The following FAM13B variants were observed in gnomAD, a reference collection of about 807,000 sequenced individuals.
FAM13B encodes the protein family with sequence similarity 13 member B.
Under a neutral mutation model 117.3 loss-of-function variants are expected in FAM13B, and 60 were observed. The ratio of observed to expected loss-of-function variants is 0.51; its 90% confidence interval spans 0.42 to 0.63. The LOEUF is 0.63. Ranked by LOEUF, FAM13B falls within the 30% of genes least tolerant of loss-of-function variation. FAM13B has a pLI of 0.00. For missense variants in FAM13B, 972 were observed against 1,091.9 expected (o/e 0.89, Z 1.55); for synonymous variants, 332 against 356.1 (o/e 0.93, Z 0.76).
At position 137,960,059 on chromosome 5, in the gene FAM13B, T is replaced by C; in HGVS notation, c.1293+107A>G. ...TTAACTGTAAAATATTTGGTAAGAG[T>C]ATTTATATTTAAATCTTTAAACCTA... On this transcript the variant is annotated intron_variant, in intron 12 of 23. Transcript: ENST00000689681. The C allele has an allele frequency of 6.7e-6, 5 of 743,276 alleles. No individual in the cohort carries two copies. The South Asian group carries it at 7.0e-5, about 10-fold the overall frequency. The allele number at this position is 743,276 out of a possible 1,614,324, so 46.0% of individuals were successfully genotyped here.
At chr5:138,018,239 T>C in intron 4 of FAM13B, 63 bp downstream of exon 4, 1 of 1,297,936 alleles carries the variant, frequency 7.7e-7, no homozygotes, top group South Asian at 1.2e-5. Flanking sequence ...TCAAGATTTC[T>C]AAAAGGTAAA....
At chr5:137,966,329 T>A (rs1158995748) in intron 10 of FAM13B, among the ~76,000 whole-genome samples, 1 of 150,388 alleles carries the variant, frequency 6.6e-6, no homozygotes, top group Non-Finnish European at 1.5e-5. Context: ...CCCAGCTACA[T>A]GGGAGGCTGA....
intron 7 of FAM13B, among the ~76,000 whole-genome samples, chr5:137,993,842 G>GTAGA (rs925732475): frequency 1.3e-5 from 2 of 151,968 alleles, no homozygotes; most frequent in African/African-American, 4.8e-5. Context: ...TTTTAAAAAG[G>GTAGA]TAGATTCCAA....
intron 1 of FAM13B, among the ~76,000 whole-genome samples, chr5:138,030,012 G>C (rs1012626821): frequency 3.9e-5 from 6 of 152,100 alleles, no homozygotes; most frequent in African/African-American, 1.4e-4. Flanking sequence ...TTCTCTAGTA[G>C]AAATCTAGTA....
intron 13 of FAM13B, 96 bp from the exon 14 acceptor site, chr5:137,956,638 A>C: frequency 2.7e-6 from 2 of 735,496 alleles, no homozygotes; most frequent in Non-Finnish European, 4.0e-6. Context: ...AGATACCAAA[A>C]ACATTTCCCT....
intron 9 of FAM13B, among the ~76,000 whole-genome samples, chr5:137,985,670 T>C (rs1777020413): frequency 6.6e-6 from 1 of 151,460 alleles, no homozygotes; most frequent in African/African-American, 2.4e-5. Context: ...AATAATCATT[T>C]CCCTTGTAAA....
chr5:138,019,059 T>A lies in FAM13B; in HGVS notation c.53A>T (p.Asn18Ile), dbSNP rs750574984. The A allele has an allele frequency of 6.2e-7, 1 of 1,614,018 alleles. No individual in the cohort carries two copies. Among genetic ancestry groups the A allele is most frequent in the African/African-American group, 1.3e-5 (1 of 74,914 alleles). ...ATCAAGTGGAATTCCAAATATTTTG[T>A]TAGCAAGAACGGAGTTGCAGTTACT... Reference protein sequence around the residue: ...SLSNCNSVLANKIFGIPLDEL... With the variant: ...SLSNCNSVLAIKIFGIPLDEL... The change falls in exon 3 of 24, where the codon AAC becomes ATC. Residue 18 changes from asparagine to isoleucine, a missense_variant. By Grantham distance (149) the Asn-to-Ile change is moderately radical (BLOSUM62 -3). Transcript: ENST00000689681.
intron 10 of FAM13B, among the ~76,000 whole-genome samples, chr5:137,983,751 T>A (rs1776477820): frequency 1.3e-5 from 2 of 152,210 alleles, no homozygotes; most frequent in South Asian, 4.1e-4. Flanking sequence ...TATGTTCACA[T>A]CTTTTTATCA....
chr5:138,036,810 C>T (rs1053492380), upstream of FAM13B: 32 of 340,638 alleles, frequency 9.4e-5, no homozygotes, highest in African/African-American at 3.9e-4. Flanking sequence ...TTCTCAACTG[C>T]GACAATTTTG....
chr5:137,960,657 T>C (rs1767886816), intron 11 of FAM13B, among the ~76,000 whole-genome samples: 1 of 152,192 alleles, frequency 6.6e-6, no homozygotes, highest in African/African-American at 2.4e-5. Flanking sequence ...TACTTTAAAC[T>C]TGACTGTATT....
chr5:138,045,156 C>T (rs2151130055), intron 1 of FAM13B, among the ~76,000 whole-genome samples: 2 of 152,270 alleles, frequency 1.3e-5, no homozygotes, highest in Admixed American at 1.3e-4. Flanking sequence ...TTCACATCTG[C>T]ATTAATTCTA....
At chr5:138,009,460 C>G (rs184252293) in intron 6 of FAM13B, among the ~76,000 whole-genome samples, 2 of 151,444 alleles carry the variant, frequency 1.3e-5, no homozygotes, top group East Asian at 1.9e-4. Flanking sequence ...TAATATCCAT[C>G]TGGTAATCTA....
chr5:138,034,800 G>A (rs1790929648), upstream of FAM13B, among the ~76,000 whole-genome samples: 1 of 152,044 alleles, frequency 6.6e-6, no homozygotes, highest in Non-Finnish European at 1.5e-5. Flanking sequence ...GAGAACAGGA[G>A]CAATATGATT....
chr5:137,966,472 TATATATATATATATATAGAGAG>T (rs1344523716), intron 10 of FAM13B, among the ~76,000 whole-genome samples: 2 of 68,302 alleles, frequency 2.9e-5, no homozygotes, highest in East Asian at 7.9e-4. Flanking sequence ...TATATATATA[TATATATATATATATATAGAGAG>T]AGAGAGAGAG....
intron 1 of FAM13B, among the ~76,000 whole-genome samples, chr5:138,045,332 G>A (rs1047611080): frequency 2.6e-5 from 4 of 151,686 alleles, no homozygotes; most frequent in African/African-American, 4.8e-5. Flanking sequence ...TCAGGAGTTC[G>A]AGACAAGCCT....
intron 4 of FAM13B, among the ~76,000 whole-genome samples, chr5:138,016,909 T>C (rs1024046909): frequency 3.3e-5 from 5 of 152,194 alleles, no homozygotes; most frequent in African/African-American, 4.8e-5. Flanking sequence ...TCAAAAAACC[T>C]TTACCATATT....
In FAM13B at chr5:137,952,556, TTG is replaced by T. The variant is rs1181071414; in HGVS notation, c.1930+70_1930+71del. ...GATTTAAAATTATCAAAAGTTGTAT[TTG>T]TGATTCTCAGACATTAATATAAAAA... is the stretch of plus-strand genomic sequence containing the variant. On this transcript the variant is annotated intron_variant, in intron 17 of 23. Transcript: ENST00000689681. The T allele has an allele frequency of 8.6e-6, 8 of 930,258 alleles. No homozygotes were observed. In the African/African-American group the frequency reaches 1.3e-4, roughly 16 times the overall value. 57.6% of individuals were successfully genotyped at this position (930,258 alleles called of 1,614,324 possible). A position where few individuals can be genotyped will look rare whatever the true frequency, so the allele number is the denominator to read the frequency against.
At chr5:137,964,546 C>G (rs1293099301) in intron 10 of FAM13B, among the ~76,000 whole-genome samples, 3 of 146,908 alleles carry the variant, frequency 2.0e-5, no homozygotes, top group Admixed American at 2.0e-4. Flanking sequence ...CATGGCGAAA[C>G]CCCATCTCCA....
chr5:137,940,305 T>C lies in FAM13B; in HGVS notation c.2734A>G (p.Arg912Gly). 1 of 1,609,470 alleles carries C rather than the reference T, an allele frequency of 6.2e-7. No homozygotes were observed. Among genetic ancestry groups the C allele is most frequent in the Non-Finnish European group, 8.5e-7 (1 of 1,175,800 alleles). ...TTGGCTTTAATTTTCTTGTACTCTC[T>C]GTACTCCTCAAGCACTGGAACACGA... is the stretch of plus-strand genomic sequence containing the variant. ...EDRVPVLEEY[R>G]EYKKIKAKLR... The change falls in exon 24 of 24, where the codon AGA (arginine) becomes GGA (glycine). Residue 912 changes from arginine (R) to glycine (G), a missense_variant. By Grantham distance (125) the Arg-to-Gly change is moderately radical (BLOSUM62 -2). Coordinates refer to ENST00000689681, the MANE Select transcript of FAM13B (RefSeq NM_001385994.1).
Sources: allele counts gnomAD v4.1 joint callset (sites outside exome capture counted in the v4.1 genomes callset), GRCh38; gene constraint gnomAD v4.1.1; transcripts MANE v1.5; gene names NCBI Gene and HGNC (gene_info 2026-07-23, HGNC 2026-07-21).